Variants in ANKS1B observed in about 807,000 individuals in gnomAD.
ANKS1B encodes ankyrin repeat and sterile alpha motif domain containing 1B.
A neutral mutation model predicts 148.3 loss-of-function variants in ANKS1B; 36 were observed. The ratio of observed to expected loss-of-function variants is 0.24; its 90% CI spans 0.19 to 0.32. ANKS1B has a LOEUF of 0.32. Among genes scored for constraint, ANKS1B ranks in the 10% least tolerant of loss-of-function variants. The pLI is 1.00. For synonymous variants in ANKS1B, 542 were observed against 560.8 expected, an observed-to-expected ratio of 0.97 and a Z score of 0.47; for missense variants, 1,157 against 1,542.6, an observed-to-expected ratio of 0.75 and a Z score of 4.19.
intron 24 of ANKS1B, 56 bp from the exon 25 acceptor site, chr12:98,773,235 C>A: frequency 6.5e-7 from 1 of 1,530,580 alleles, no homozygotes. Context: ...GCATATATGA[C>A]AACCAAGACA....
At chr12:99,008,683 T>C (rs1454756318) in intron 17 of ANKS1B, among the ~76,000 whole-genome samples, 2 of 152,250 alleles carry the variant, frequency 1.3e-5, no homozygotes, top group East Asian at 3.9e-4. Context: ...TGAACTCACA[T>C]CATCCTCGTT....
chr12:99,298,220 A>C (rs945715165), intron 12 of ANKS1B, among the ~76,000 whole-genome samples: 1 of 152,192 alleles, frequency 6.6e-6, no homozygotes, highest in African/African-American at 2.4e-5. Context: ...CTACGTACCA[A>C]TGATATGGGC....
intron 12 of ANKS1B, among the ~76,000 whole-genome samples, chr12:99,289,799 G>C (rs2079661201): frequency 1.3e-5 from 2 of 151,796 alleles, no homozygotes; most frequent in Admixed American, 1.3e-4. Context: ...CTAGCAATAA[G>C]TTCCTACATC....
intron 17 of ANKS1B, among the ~76,000 whole-genome samples, chr12:98,936,350 T>C (rs1030197773): frequency 3.9e-5 from 6 of 152,164 alleles, no homozygotes; most frequent in African/African-American, 1.2e-4. Flanking sequence ...ACAATTTGGC[T>C]GGGCATGGTG....
chr12:99,780,585 C>CCTAT (rs1170880114), intron 5 of ANKS1B, among the ~76,000 whole-genome samples: 2 of 151,984 alleles, frequency 1.3e-5, no homozygotes, highest in Non-Finnish European at 2.9e-5. Context: ...CCCGGCTGAC[C>CCTAT]CTATGGTATC....
intron 15 of ANKS1B, among the ~76,000 whole-genome samples, chr12:99,100,065 T>A (rs1336056088): frequency 1.3e-5 from 2 of 152,156 alleles, no homozygotes; most frequent in Admixed American, 6.5e-5. Context: ...TTAAGCAACA[T>A]AGTTGGACTG....
chr12:99,382,221 CA>C (rs1660033251), intron 12 of ANKS1B, among the ~76,000 whole-genome samples: 1 of 152,170 alleles, frequency 6.6e-6, no homozygotes. Flanking sequence ...GTCATAATGC[CA>C]CTCAGGGAGA....
intron 9 of ANKS1B, among the ~76,000 whole-genome samples, chr12:99,542,349 AAAAAAATC>A (rs369181112): frequency 2.2e-3 from 332 of 152,238 alleles, no homozygotes; most frequent in African/African-American, 7.0e-3. Flanking sequence ...GAACTTCACA[AAAAAAATC>A]TAAGATTTGT....
intron 1 of ANKS1B, among the ~76,000 whole-genome samples, chr12:99,978,925 A>C (rs2095659525): frequency 6.6e-6 from 1 of 152,230 alleles, no homozygotes; most frequent in Admixed American, 6.5e-5. Flanking sequence ...AGAAAATCAA[A>C]TAAATTGAGG....
chr12:98,914,342 C>T (rs2099791088), intron 17 of ANKS1B, among the ~76,000 whole-genome samples: 1 of 152,106 alleles, frequency 6.6e-6, no homozygotes, highest in South Asian at 2.1e-4. Flanking sequence ...GAACCATGAG[C>T]CAGACAAACC....
intron 8 of ANKS1B, among the ~76,000 whole-genome samples, chr12:99,706,203 T>C (rs772819309): frequency 5.3e-4 from 81 of 151,940 alleles, no homozygotes; most frequent in Admixed American, 5.3e-3. Flanking sequence ...CAATAGATAA[T>C]GTCTAAAACT....
At chr12:98,895,676 C>T (rs750955047) in intron 17 of ANKS1B, among the ~76,000 whole-genome samples, 16 of 152,148 alleles carry the variant, frequency 1.1e-4, no homozygotes, top group Non-Finnish European at 2.1e-4. Context: ...TGGAGGGTCA[C>T]GGGTGAGATT....
At chr12:99,821,132 T>C (rs2082450355) in intron 2 of ANKS1B, among the ~76,000 whole-genome samples, 2 of 152,144 alleles carry the variant, frequency 1.3e-5, no homozygotes, top group South Asian at 4.1e-4. Flanking sequence ...CATTCAATGT[T>C]ATCATTGTAA....
chr12:99,938,082 TAAGCA>T (rs994272154), intron 1 of ANKS1B, among the ~76,000 whole-genome samples: 1 of 152,142 alleles, frequency 6.6e-6, no homozygotes. Context: ...GTCAAAAGAA[TAAGCA>T]AAGGTGACAC....
intron 9 of ANKS1B, among the ~76,000 whole-genome samples, chr12:99,532,909 AT>A (rs1236433834): frequency 6.6e-6 from 1 of 152,028 alleles, no homozygotes; most frequent in African/African-American, 2.4e-5. Context: ...GTACCATGTT[AT>A]TTTGGTTACT....
In ANKS1B at chr12:99,498,838, C is replaced by T. The variant is rs2096628824; in HGVS notation, c.1438+5638G>A. Among the ~76,000 whole-genome samples the T allele has an allele frequency of 2.0e-5, 3 of 152,076 alleles. No individual in the cohort carries two copies. In the South Asian group the frequency reaches 6.2e-4, roughly 32 times the overall value. Reference sequence around the variant, plus strand: ...CTTTACTCACTAAAGAATTTAGTAACAAAGGGAATACATCAGTAACTCCAA... The same window carrying T: ...CTTTACTCACTAAAGAATTTAGTAATAAAGGGAATACATCAGTAACTCCAA... On this transcript the variant is annotated intron_variant, in intron 10 of 26. Coordinates refer to ENST00000683438, the MANE Select transcript of ANKS1B (RefSeq NM_001352186.2).
At chr12:99,880,773 T>G (rs754121870) in intron 1 of ANKS1B, among the ~76,000 whole-genome samples, 1 of 152,198 alleles carries the variant, frequency 6.6e-6, no homozygotes, top group African/African-American at 2.4e-5. Flanking sequence ...GATTGAAAGA[T>G]TTGTGAAACT....
intron 9 of ANKS1B, among the ~76,000 whole-genome samples, chr12:99,532,550 C>A (rs1393029862): frequency 1.3e-5 from 2 of 152,048 alleles, no homozygotes; most frequent in Non-Finnish European, 2.9e-5. Flanking sequence ...TTAGTACAGA[C>A]GGGGTTTCAT....
At position 99,825,295 on chromosome 12, in the gene ANKS1B, T is replaced by C; in HGVS notation, c.215+14A>G. 1 of 1,606,756 alleles carries C rather than the reference T, an allele frequency of 6.2e-7. No individual in the cohort carries two copies. On this transcript the variant is annotated intron_variant, in intron 2 of 26. Transcript: ENST00000683438. ...CTAAATACACACGATTCCGTCCAAA[T>C]AAGTGGCACTTACTTATGTCCATTT... is the stretch of plus-strand genomic sequence containing the variant.
Sources: gnomAD v4.1 joint callset for allele counts (sites outside exome capture counted in the v4.1 genomes callset) on GRCh38, gnomAD v4.1.1 for gene constraint, MANE v1.5 for transcripts, NCBI Gene and HGNC (gene_info 2026-07-23, HGNC 2026-07-21) for gene names.